The following FKBP15 variants were observed in gnomAD, a reference collection of about 807,000 sequenced individuals.
FKBP15 encodes FKBP prolyl isomerase family member 15, also known as FK506-binding protein 15.
FKBP15 carries 106 observed loss-of-function variants against 158.1 expected under a neutral mutation model. That is an observed-to-expected ratio of 0.67 (90% confidence interval 0.57 to 0.79). The LOEUF is 0.79. FKBP15 is among the 30% of genes least tolerant of loss of function. FKBP15 has a pLI of 0.00. For synonymous variants in FKBP15, 547 were observed against 548.6 expected (o/e 1.00, Z 0.04); for missense variants, 1,287 against 1,479.1 (o/e 0.87, Z 2.13).
At chr9:113,211,638 AC>A in intron 1 of FKBP15, 46 bp from the exon 2 acceptor site, 1 of 1,400,540 alleles carries the variant, frequency 7.1e-7, no homozygotes, top group East Asian at 2.5e-5. Context: ...TATATCCCAA[AC>A]CTGGAATTAT....
At chr9:113,197,135 T>C in intron 8 of FKBP15, 57 bp from the exon 9 acceptor site, 1 of 1,590,658 alleles carries the variant, frequency 6.3e-7, no homozygotes, top group South Asian at 1.1e-5. Flanking sequence ...GAAGACAAAG[T>C]GAAGTACAGG....
At chr9:113,196,021 C>G (rs111952168) in intron 9 of FKBP15, among the ~76,000 whole-genome samples, 1 of 139,862 alleles carries the variant, frequency 7.1e-6, no homozygotes, top group African/African-American at 2.6e-5. Context: ...TACACACAGA[C>G]ACACACACAT....
At chr9:113,170,451 G>T in intron 25 of FKBP15, 71 bp downstream of exon 25, 1 of 1,077,776 alleles carries the variant, frequency 9.3e-7, no homozygotes, top group Non-Finnish European at 1.4e-6. Flanking sequence ...TTTTATTCAT[G>T]ATCCCTTAGA....
rs1300066379 is a variant in FKBP15, at chr9:113,190,549, G to A, written c.1095C>T (p.Ile365=). 1 of 1,611,566 alleles carries A rather than the reference G, an allele frequency of 6.2e-7. No individual in the cohort carries two copies. Among genetic ancestry groups the A allele is most frequent in the African/African-American group, 1.3e-5 (1 of 75,024 alleles). ...GCTGGCCCATTTTAGCCATCCGAGA[G>A]ATCAACTTGGCTTTGACTGCATCGG... ...TSPDAVKAKL[I]SRMAKMGQPM... Residue 365 remains isoleucine, a synonymous_variant, in exon 12 of 28, where the codon ATC becomes ATT. Transcript: ENST00000238256.
chr9:113,171,768 G>C (rs1389876765), intron 23 of FKBP15, 62 bp from the exon 24 acceptor site: 19 of 1,354,860 alleles, frequency 1.4e-5, no homozygotes, highest in Non-Finnish European at 1.8e-5. Context: ...GAAAACCCAA[G>C]GGGAGGAGAA....
At chr9:113,169,984 CAGT>C in intron 25 of FKBP15, 42 bp from the exon 26 acceptor site, 1 of 1,491,514 alleles carries the variant, frequency 6.7e-7, no homozygotes, top group South Asian at 1.3e-5. Context: ...GAAAGGAACA[CAGT>C]AGCCACTCCT....
At chr9:113,166,224 G>T in intron 27 of FKBP15, 69 bp from the exon 28 acceptor site, 1 of 1,379,588 alleles carries the variant, frequency 7.2e-7, no homozygotes, top group Non-Finnish European at 1.0e-6. Flanking sequence ...ACCTGTGAGT[G>T]GAAGCAATCC....
intron 8 of FKBP15, 143 bp from the exon 9 acceptor site, chr9:113,197,221 G>A (rs1830704271): frequency 1.1e-6 from 1 of 883,456 alleles, no homozygotes; most frequent in East Asian, 2.4e-5. Context: ...ACTGCCCCAT[G>A]TTGGTATAAG....
chr9:113,213,251 G>A (rs1024087724), intron 1 of FKBP15, among the ~76,000 whole-genome samples: 1 of 151,944 alleles, frequency 6.6e-6, no homozygotes, highest in Non-Finnish European at 1.5e-5. Context: ...TCTACTAAAA[G>A]TACAAAAATT....
chr9:113,173,444 A>C lies in FKBP15; in HGVS notation c.2532+9T>G. 1 of 1,611,074 alleles carries C rather than the reference A, an allele frequency of 6.2e-7. No homozygotes were observed. The highest frequency in any genetic ancestry group is 8.5e-7 in the Non-Finnish European group (1 of 1,177,564). ...TGCCTAAACTGTCTGACTCAAGAAA[A>C]ATATGTACCTTTTCCTGAAGTTGTA... On this transcript the variant is annotated intron_variant, in intron 23 of 27. Coordinates refer to ENST00000238256, the MANE Select transcript of FKBP15 (RefSeq NM_015258.2).
intron 1 of FKBP15, among the ~76,000 whole-genome samples, chr9:113,213,784 A>G (rs1037098683): frequency 1.4e-4 from 21 of 152,168 alleles, no homozygotes; most frequent in African/African-American, 4.6e-4. Context: ...CTCAGCCTCC[A>G]TAACTGTAAA....
rs1830168859 is a variant in FKBP15 at position 113,169,691 on chromosome 9, G to C, written c.3018C>G (p.His1006Gln). The C allele has an allele frequency of 6.2e-7, 1 of 1,613,914 alleles. No homozygotes were observed. The highest frequency in any genetic ancestry group is 1.1e-5 in the South Asian group (1 of 91,074). Residue 1006 changes from histidine to glutamine, a missense_variant, in exon 26 of 28, where the codon CAC becomes CAG. Transcript: ENST00000238256. Reference sequence around the variant, plus strand: ...CAGCTTCTGAGTCCCCTTTCCTTCTGTGTCCATCCTGGGAAGTGGTGAGGG... The same window carrying C: ...CAGCTTCTGAGTCCCCTTTCCTTCTCTGTCCATCCTGGGAAGTGGTGAGGG... ...PQALTTSQDGHRRKGDSEAEA... is the reference protein window; with the variant it reads ...PQALTTSQDGQRRKGDSEAEA...
rs766499990 is a variant in FKBP15, at chr9:113,169,858, G to A, written c.2851C>T (p.Arg951Trp). 8 of 1,551,486 alleles carry A rather than the reference G, an allele frequency of 5.2e-6. No individual in the cohort carries two copies. The highest frequency in any genetic ancestry group is 3.6e-5 in the South Asian group (3 of 84,084). Residue 951 changes from arginine (R) to tryptophan (W), a missense_variant, in exon 26 of 28, where the codon CGG becomes TGG. Arg to Trp is a moderately radical substitution (Grantham distance 101). Transcript: ENST00000238256. ...SEEEEEKAEE[R>W]PRRPSQEQSA... ...TGCTCCTGGGAAGGTCTTCGTGGCC[G>A]CTCTTCTGCTTTTTCTTCTTCTTCT... is the stretch of plus-strand genomic sequence containing the variant.
intron 1 of FKBP15, among the ~76,000 whole-genome samples, chr9:113,220,326 G>C (rs1468051146): frequency 6.6e-6 from 1 of 152,224 alleles, no homozygotes; most frequent in African/African-American, 2.4e-5. Context: ...GAGCTTGGTA[G>C]CTCACAAGTT....
chr9:113,201,415 C>A (rs1429325569), intron 6 of FKBP15, among the ~76,000 whole-genome samples: 1 of 152,142 alleles, frequency 6.6e-6, no homozygotes, highest in Non-Finnish European at 1.5e-5. Context: ...ATGATTACAT[C>A]AATTAAGAAA....
rs1831004797 is a variant in FKBP15, at chr9:113,211,513, T to C, written c.133A>G (p.Lys45Glu). The C allele has an allele frequency of 1.9e-6, 3 of 1,609,620 alleles. No individual in the cohort carries two copies. Among genetic ancestry groups the C allele is most frequent in the South Asian group, 1.1e-5 (1 of 89,694 alleles). Residue 45 changes from lysine to glutamate, a missense_variant, in exon 2 of 28, where the codon AAA (lysine) becomes GAA (glutamate). Lys to Glu is a moderately conservative substitution (Grantham distance 56). Coordinates refer to ENST00000238256, the MANE Select transcript of FKBP15 (RefSeq NM_015258.2). ...GTTCCCTGGCCTTTCTTAGGCTGTT[T>C]TGGGGCTGTGTACTGGAAAAATTCA... ...GNEFFQYTAP[K>E]QPKKGQGTAA... is the part of the protein sequence containing the mutation.
chr9:113,162,648 G>A lies in FKBP15; in HGVS notation c.*3430C>T. 4.7e-6 allele frequency: 5 copies of A among 1,064,544 alleles called. No individual in the cohort carries two copies. Among genetic ancestry groups the A allele is most frequent in the Non-Finnish European group, 5.5e-6 (4 of 731,918 alleles). The allele number at this position is 1,064,544 out of a possible 1,614,324, so 65.9% of individuals were successfully genotyped here. A position where few individuals can be genotyped will look rare whatever the true frequency, so the allele number is the denominator to read the frequency against. On this transcript the variant is annotated 3_prime_UTR_variant, in exon 28 of 28. Coordinates refer to ENST00000238256, the MANE Select transcript of FKBP15 (RefSeq NM_015258.2). ...TAAGCATACAAGTTATAAATCAATC[G>A]GGTCACGTAACTCAACAGCTTTCTA...
chr9:113,206,655 G>A, intron 3 of FKBP15, 77 bp from the exon 4 acceptor site: 2 of 799,150 alleles, frequency 2.5e-6, no homozygotes, highest in Non-Finnish European at 3.7e-6. Context: ...CTGTCATACA[G>A]AAGTGGGAAC....
chr9:113,173,552 A>G lies in FKBP15; in HGVS notation c.2433T>C (p.His811=), dbSNP rs368175201. 11 of 1,613,928 alleles carry G rather than the reference A, an allele frequency of 6.8e-6. No individual in the cohort carries two copies. The East Asian group carries it at 2.5e-4, about 36-fold the overall frequency. The change falls in exon 23 of 28, where the codon CAT becomes CAC. Residue 811 remains histidine, a synonymous_variant. Transcript: ENST00000238256. ...LQTQWEAKCE[H]LLASAKDEHL... Reference sequence around the variant, plus strand: ...GCTCATCCTTGGCGGAGGCCAACAAATGTTCACATTTTGCTTCCCACTGGG... The same window carrying G: ...GCTCATCCTTGGCGGAGGCCAACAAGTGTTCACATTTTGCTTCCCACTGGG...
Sources: allele counts gnomAD v4.1 joint callset (sites outside exome capture counted in the v4.1 genomes callset), GRCh38; gene constraint gnomAD v4.1.1; transcripts MANE v1.5; gene names NCBI Gene and HGNC (gene_info 2026-07-23, HGNC 2026-07-21).